VPS13C: variants seen among roughly 807,000 people sequenced by gnomAD.
VPS13C encodes intermembrane lipid transfer protein VPS13C.
In VPS13C, 358 loss-of-function variants were observed where a neutral mutation model predicts 456.8. The observed-to-expected ratio is 0.78, with a 90% confidence interval of 0.72 to 0.86. The LOEUF (loss-of-function observed/expected upper bound fraction) is 0.86, where lower values mean the gene tolerates loss of function less well. VPS13C is among the 40% of genes least tolerant of loss of function. The pLI is 0.00. For missense variants in VPS13C, 4,818 were observed against 4,385.4 expected, an observed-to-expected ratio of 1.10 and a Z score of -2.79; for synonymous variants, 1,578 against 1,486.7, an observed-to-expected ratio of 1.06 and a Z score of -1.41.
intron 18 of VPS13C, among the ~76,000 whole-genome samples, chr15:61,986,815 C>A (rs769849355): frequency 3.3e-5 from 5 of 151,742 alleles, no homozygotes; most frequent in Non-Finnish European, 7.4e-5. Context: ...AAATGCAGGC[C>A]AAACAACAAT....
intron 10 of VPS13C, 96 bp from the exon 11 acceptor site, chr15:62,013,215 C>A: frequency 1.3e-6 from 1 of 751,206 alleles, no homozygotes; most frequent in South Asian, 3.0e-5. Flanking sequence ...TCCAAAATTA[C>A]CCAAATGCCA....
At position 62,028,401 on chromosome 15, in the gene VPS13C, G is replaced by T. The variant is rs1478172880; in HGVS notation, c.405C>A (p.Phe135Leu). Residue 135 changes from phenylalanine to leucine, a missense_variant, in exon 6 of 85, where the codon TTC becomes TTA. Coordinates refer to ENST00000644861, the MANE Select transcript of VPS13C (RefSeq NM_020821.3). ...AAACAAAGTTCTCCAAGCCATATAT[G>T]AACTCCCCTGAATGTGTGCCTGCAT... ...AAEKGTHSGE[F>L]IYGLENFVYK... The T allele has an allele frequency of 1.2e-6, 2 of 1,612,826 alleles. No homozygotes were observed. The highest frequency in any genetic ancestry group is 1.1e-5 in the South Asian group (1 of 91,038).
intron 1 of VPS13C, among the ~76,000 whole-genome samples, chr15:62,046,848 T>G (rs899380673): frequency 6.6e-6 from 1 of 152,200 alleles, no homozygotes; most frequent in Admixed American, 6.5e-5. Context: ...ATATGGCTAA[T>G]AGAGTTAGAC....
intron 1 of VPS13C, among the ~76,000 whole-genome samples, chr15:62,054,766 G>A (rs2048734052): frequency 6.6e-6 from 1 of 151,322 alleles, no homozygotes; most frequent in Admixed American, 6.6e-5. Flanking sequence ...AGAAGAAGAA[G>A]AATATTAATA....
chr15:62,050,121 CAG>C, intron 1 of VPS13C, among the ~76,000 whole-genome samples: 1 of 152,238 alleles, frequency 6.6e-6, no homozygotes, highest in South Asian at 2.1e-4. Flanking sequence ...TTGCCCTGGC[CAG>C]AACTTCCAAC....
At chr15:61,923,536 T>C (rs930132229) in intron 53 of VPS13C, among the ~76,000 whole-genome samples, 5 of 152,076 alleles carry the variant, frequency 3.3e-5, no homozygotes, top group African/African-American at 4.8e-5. Flanking sequence ...CAAGATAAAA[T>C]TGAAACTCTC....
chr15:61,969,352 A>G lies in VPS13C; in HGVS notation c.2858T>C (p.Leu953Ser), dbSNP rs1260539223. The change falls in exon 28 of 85, where the codon TTA (leucine) becomes TCA (serine). Residue 953 changes from leucine to serine, a missense_variant. By Grantham distance (145) the Leu-to-Ser change is moderately radical (BLOSUM62 -2). This residue lies in a region of VPS13C where 4,552 missense variants were observed against 4,130.6 expected (regional missense o/e 1.10). Coordinates refer to ENST00000644861, the MANE Select transcript of VPS13C (RefSeq NM_020821.3). Reference sequence around the variant, plus strand: ...TTTCTTTAAATAAGATACCACAGTTAAGTCAAATGTTCTCATTGTGGCCTC... The same window carrying G: ...TTTCTTTAAATAAGATACCACAGTTGAGTCAAATGTTCTCATTGTGGCCTC... ...GTEATMRTFD[L>S]TVVSYLKKIS... The G allele has an allele frequency of 1.2e-6, 2 of 1,604,830 alleles. No individual in the cohort carries two copies. Among genetic ancestry groups the G allele is most frequent in the South Asian group, 2.2e-5 (2 of 89,020 alleles).
Position 61,917,498 on chromosome 15 carries a change from C to G in VPS13C, c.7898G>C (p.Ser2633Thr), listed in dbSNP as rs1374326089. Residue 2633 changes from serine (S) to threonine (T), a missense_variant, in exon 60 of 85, where the codon AGC becomes ACC. Transcript: ENST00000644861. ...TGTATTCACTATGAGAGGTAAGAAG[C>G]TGACTTCTACTGATGGACACTGCAA... ...CMLQCPSVEV[S>T]FLPLIVNTVA... 4 of 1,614,004 alleles carry G rather than the reference C, an allele frequency of 2.5e-6. No individual in the cohort carries two copies. In the South Asian group the frequency reaches 3.3e-5, roughly 13 times the overall value.
intron 47 of VPS13C, among the ~76,000 whole-genome samples, chr15:61,937,967 T>G (rs1299667375): frequency 6.6e-6 from 1 of 152,160 alleles, no homozygotes; most frequent in Admixed American, 6.5e-5. Flanking sequence ...CAAGCATGCA[T>G]GCAAGCACGC....
chr15:61,853,559 A>G lies in VPS13C; in HGVS notation c.*898T>C, dbSNP rs1217828012. The G allele has an allele frequency of 6.6e-6, 1 of 152,238 alleles. No individual in the cohort carries two copies. Among genetic ancestry groups the G allele is most frequent in the Non-Finnish European group, 1.5e-5 (1 of 68,046 alleles). 9.4% of individuals were successfully genotyped at this position (152,238 alleles called of 1,614,324 possible). On this transcript the variant is annotated 3_prime_UTR_variant, in exon 85 of 85. Coordinates refer to ENST00000644861, the MANE Select transcript of VPS13C (RefSeq NM_020821.3). ...AAGGAGGAAAAATAAGCACCAAAGT[A>G]AAATATGCTTTATTAGGGGGAAAAA... is the stretch of plus-strand genomic sequence containing the variant.
intron 1 of VPS13C, among the ~76,000 whole-genome samples, chr15:62,054,250 T>C (rs2048717025): frequency 6.6e-6 from 1 of 152,186 alleles, no homozygotes; most frequent in Non-Finnish European, 1.5e-5. Flanking sequence ...AGATAAACCT[T>C]CCTACTTATG....
Position 61,962,729 on chromosome 15 carries a change from A to C in VPS13C, c.3435+20T>G. 1 of 1,507,102 alleles carries C rather than the reference A, an allele frequency of 6.6e-7. No homozygotes were observed. The highest frequency in any genetic ancestry group is 9.1e-7 in the Non-Finnish European group (1 of 1,101,100). 93.4% of individuals were successfully genotyped at this position (1,507,102 alleles called of 1,614,324 possible). On this transcript the variant is annotated intron_variant, in intron 33 of 84. Transcript: ENST00000644861. The stretch of plus-strand genomic sequence containing the variant: ...ATTCAGTCATTAAAGAATATTAACT[A>C]TCTGTTTACAATCACCTACTTTCTT...
chr15:61,916,497 T>C (rs1427503866), intron 60 of VPS13C, among the ~76,000 whole-genome samples: 3 of 152,304 alleles, frequency 2.0e-5, no homozygotes, highest in East Asian at 3.9e-4. Flanking sequence ...GTGGCATTAT[T>C]TGAAAAATGA....
Position 61,962,020 on chromosome 15 carries a change from T to G in VPS13C, c.3604-127A>C. The stretch of plus-strand genomic sequence containing the variant: ...TATTTAACTTTCCATTGAGCCCTAT[T>G]TTTCTAGCAGTATTAAGAAATTACG... On this transcript the variant is annotated intron_variant, in intron 34 of 84. Coordinates refer to ENST00000644861, the MANE Select transcript of VPS13C (RefSeq NM_020821.3). 3.8e-6 allele frequency: 4 copies of G among 1,063,506 alleles called. No homozygotes were observed. In the South Asian group the frequency reaches 7.0e-5, roughly 19 times the overall value. 65.9% of individuals were successfully genotyped at this position (1,063,506 alleles called of 1,614,324 possible).
chr15:61,866,980 T>G (rs180915657), intron 81 of VPS13C: 1 of 976,936 alleles, frequency 1.0e-6, no homozygotes, highest in East Asian at 1.1e-4. Context: ...CATCATTTAT[T>G]ACAAAAAAAA....
At position 61,991,106 on chromosome 15, in the gene VPS13C, C is replaced by T; in HGVS notation, c.1484-12G>A. The T allele has an allele frequency of 1.9e-6, 3 of 1,565,948 alleles. No individual in the cohort carries two copies. Among genetic ancestry groups the T allele is most frequent in the East Asian group, 4.5e-5 (2 of 44,298 alleles). On this transcript the variant is annotated splice_polypyrimidine_tract_variant and intron_variant, in intron 17 of 84. Coordinates refer to ENST00000644861, the MANE Select transcript of VPS13C (RefSeq NM_020821.3). ...AAGGTCATCAATAGCTATGAAAAAA[C>T]AACATTTTAAGAAATTAATTGCTTC...
At chr15:62,049,165 T>C (rs1373241117) in intron 1 of VPS13C, among the ~76,000 whole-genome samples, 5 of 152,232 alleles carry the variant, frequency 3.3e-5, no homozygotes, top group Admixed American at 6.5e-5. Flanking sequence ...GTTTTAGACA[T>C]GAAGTCCTTG....
chr15:61,961,679 T>C lies in VPS13C; in HGVS notation c.3818A>G (p.Asn1273Ser), dbSNP rs114138011. Residue 1273 changes from asparagine (N) to serine (S), a missense_variant, in exon 35 of 85, where the codon AAT becomes AGT. By Grantham distance (46) the Asn-to-Ser change is conservative. Around this residue, in one of 3 missense-constraint regions of VPS13C, gnomAD observed 4,552 missense variants for 4,130.6 expected, o/e 1.10. Coordinates refer to ENST00000644861, the MANE Select transcript of VPS13C (RefSeq NM_020821.3). The part of the protein sequence containing the change: ...VVDLGLIRVH[N>S]QFSLVSDEDY... ...TTCATCAGACACCAGACTGAACTGA[T>C]TATGAACTCTGATTAACCCAAGATC... is the stretch of plus-strand genomic sequence containing the variant. The C allele has an allele frequency of 8.1e-6, 13 of 1,614,056 alleles. No individual in the cohort carries two copies. Among genetic ancestry groups the C allele is most frequent in the Middle Eastern group, 1.7e-4 (1 of 6,060 alleles).
chr15:61,997,262 A>G (rs2140442986), intron 16 of VPS13C, among the ~76,000 whole-genome samples: 1 of 152,094 alleles, frequency 6.6e-6, no homozygotes, highest in East Asian at 1.9e-4. Flanking sequence ...CAGCTTCCCT[A>G]TTACAACTCT....
Sources: gnomAD v4.1 joint callset for allele counts (sites outside exome capture counted in the v4.1 genomes callset) on GRCh38, gnomAD v4.1.1 for gene constraint, gnomAD v4.1.1 regional missense constraint, MANE v1.5 for transcripts, NCBI Gene and HGNC (gene_info 2026-07-23, HGNC 2026-07-21) for gene names.